LIMA1: variants seen among roughly 807,000 people sequenced by gnomAD.
The protein encoded by LIMA1 is LIM domain and actin binding 1, also known as LIM domain and actin-binding protein 1.
LIMA1 carries 52 observed loss-of-function variants against 62.6 expected under a neutral mutation model. That is an observed-to-expected ratio of 0.83 (90% CI 0.67 to 1.05). LIMA1 has a LOEUF of 1.05. Ranked by LOEUF, LIMA1 falls within the 50% of genes least tolerant of loss-of-function variation. LIMA1 has a pLI of 0.00. For missense variants in LIMA1, 780 were observed against 902.2 expected (o/e 0.86, Z 1.74); for synonymous variants, 302 against 317.8 (o/e 0.95, Z 0.53).
chr12:50,210,769 T>C (rs946142288), intron 4 of LIMA1, among the ~76,000 whole-genome samples: 4 of 152,246 alleles, frequency 2.6e-5, no homozygotes, highest in Admixed American at 2.6e-4. Flanking sequence ...CTTACCTTTT[T>C]TTTGAAGCCT....
chr12:50,271,771 C>T (rs1046672243), intron 1 of LIMA1, among the ~76,000 whole-genome samples: 1 of 152,160 alleles, frequency 6.6e-6, no homozygotes, highest in Non-Finnish European at 1.5e-5. Context: ...AATACCAGTG[C>T]CTGGAACATG....
At chr12:50,263,967 G>A (rs945550456) in intron 1 of LIMA1, among the ~76,000 whole-genome samples, 2 of 149,980 alleles carry the variant, frequency 1.3e-5, no homozygotes, top group Admixed American at 6.7e-5. Flanking sequence ...GTACACAAAT[G>A]TTCGTCAACT....
chr12:50,277,007 G>A (rs547997032), intron 1 of LIMA1, among the ~76,000 whole-genome samples: 1 of 152,122 alleles, frequency 6.6e-6, no homozygotes, highest in Admixed American at 6.5e-5. Context: ...AAAACACTAA[G>A]AATGGTTCTG....
chr12:50,191,666 A>G (rs549857706), intron 9 of LIMA1, among the ~76,000 whole-genome samples: 1 of 151,062 alleles, frequency 6.6e-6, no homozygotes, highest in African/African-American at 2.4e-5. Flanking sequence ...CTAAAACTAC[A>G]AAAAGTTAGC....
intron 8 of LIMA1, among the ~76,000 whole-genome samples, chr12:50,194,885 T>A (rs986624627): frequency 2.0e-5 from 3 of 151,832 alleles, no homozygotes; most frequent in Non-Finnish European, 4.4e-5. Context: ...CTGTCTCTAC[T>A]AAAATACAAA....
At chr12:50,265,635 C>G (rs1027784263) in intron 1 of LIMA1, among the ~76,000 whole-genome samples, 1 of 151,938 alleles carries the variant, frequency 6.6e-6, no homozygotes, top group African/African-American at 2.4e-5. Context: ...AAAAACTACC[C>G]ATTTTTTAAA....
intron 2 of LIMA1, among the ~76,000 whole-genome samples, chr12:50,238,125 A>G (rs1005981212): frequency 4.5e-4 from 69 of 151,736 alleles, no homozygotes; most frequent in African/African-American, 1.5e-3. Context: ...TCATCTCATC[A>G]TTACAAGATT....
At chr12:50,273,188 C>T (rs953411468) in intron 1 of LIMA1, among the ~76,000 whole-genome samples, 5 of 152,030 alleles carry the variant, frequency 3.3e-5, no homozygotes, top group Non-Finnish European at 5.9e-5. Context: ...CTCCTGACCT[C>T]AAGTGATCCG....
chr12:50,198,540 C>T (rs1159302099), intron 7 of LIMA1, among the ~76,000 whole-genome samples: 1 of 152,048 alleles, frequency 6.6e-6, no homozygotes, highest in African/African-American at 2.4e-5. Context: ...GGTGACAGAG[C>T]AAGACCTCAT....
At chr12:50,264,637 C>T (rs1942117158) in intron 1 of LIMA1, among the ~76,000 whole-genome samples, 1 of 152,172 alleles carries the variant, frequency 6.6e-6, no homozygotes, top group African/African-American at 2.4e-5. Context: ...ATCTGCCTTA[C>T]GGGGTTGTTT....
intron 1 of LIMA1, among the ~76,000 whole-genome samples, chr12:50,265,583 T>C (rs1942129969): frequency 2.6e-5 from 4 of 152,116 alleles, no homozygotes; most frequent in African/African-American, 7.2e-5. Context: ...GAAGAGAAAT[T>C]GTTTCTTTAA....
chr12:50,180,667 G>C (rs1427892076), intron 10 of LIMA1, among the ~76,000 whole-genome samples: 1 of 152,144 alleles, frequency 6.6e-6, no homozygotes, highest in African/African-American at 2.4e-5. Context: ...TTTCCCTAAT[G>C]TCAGTCCTAG....
At chr12:50,189,066 C>T (rs1295234660) in intron 9 of LIMA1, 2 of 152,240 alleles carry the variant, frequency 1.3e-5, no homozygotes, top group Non-Finnish European at 2.9e-5. Context: ...ACCTTCAAGG[C>T]CAGAACACAG....
At chr12:50,268,192 T>G (rs1317331547) in intron 1 of LIMA1, among the ~76,000 whole-genome samples, 1 of 152,138 alleles carries the variant, frequency 6.6e-6, no homozygotes, top group East Asian at 1.9e-4. Flanking sequence ...CGGGGTTCCC[T>G]TTTGCAGGAC....
At chr12:50,217,185 A>G (rs1368558380) in intron 4 of LIMA1, among the ~76,000 whole-genome samples, 2 of 151,658 alleles carry the variant, frequency 1.3e-5, no homozygotes, top group African/African-American at 4.8e-5. Context: ...TCTTTCTCCT[A>G]TTTTTTCCTT....
At chr12:50,207,820 G>T (rs545642008) in intron 4 of LIMA1, among the ~76,000 whole-genome samples, 21 of 151,094 alleles carry the variant, frequency 1.4e-4, no homozygotes, top group Admixed American at 7.9e-4. Flanking sequence ...AACCAGGGGG[G>T]CAGAGGTTGC....
At chr12:50,270,448 C>T (rs1942194228) in intron 1 of LIMA1, among the ~76,000 whole-genome samples, 1 of 150,108 alleles carries the variant, frequency 6.7e-6, no homozygotes, top group Non-Finnish European at 1.5e-5. Flanking sequence ...AAAGTACAAA[C>T]AAATAAGTTA....
intron 4 of LIMA1, among the ~76,000 whole-genome samples, chr12:50,211,711 C>T (rs1201928672): frequency 6.6e-6 from 1 of 152,130 alleles, no homozygotes; most frequent in East Asian, 1.9e-4. Flanking sequence ...TTTTATGATC[C>T]ACATTTTCCA....
At chr12:50,261,295 G>T (rs1942070530) in intron 1 of LIMA1, among the ~76,000 whole-genome samples, 1 of 151,438 alleles carries the variant, frequency 6.6e-6, no homozygotes, top group East Asian at 1.9e-4. Context: ...CTCGTGATCT[G>T]CCCACCACAA....
Sources: allele counts gnomAD v4.1 joint callset (sites outside exome capture counted in the v4.1 genomes callset), GRCh38; gene constraint gnomAD v4.1.1; transcripts MANE v1.5; gene names NCBI Gene and HGNC (gene_info 2026-07-23, HGNC 2026-07-21).